Variants in EPHA6 observed in about 807,000 individuals in gnomAD.
EPHA6 encodes EPH receptor A6.
A neutral mutation model predicts 112.0 loss-of-function variants in EPHA6; 50 were observed. That is an observed-to-expected ratio of 0.45 (90% CI 0.36 to 0.56). The LOEUF is 0.56. Ranked by LOEUF, EPHA6 falls within the 20% of genes least tolerant of loss-of-function variation. EPHA6 has a pLI of 0.00. For synonymous variants in EPHA6, 529 were observed against 490.7 expected (o/e 1.08, Z -1.03); for missense variants, 1,280 against 1,417.4 (o/e 0.90, Z 1.56).
At chr3:97,522,650 T>A (rs1341279703) in intron 10 of EPHA6, among the ~76,000 whole-genome samples, 1 of 152,194 alleles carries the variant, frequency 6.6e-6, no homozygotes, top group Non-Finnish European at 1.5e-5. Context: ...TTAGATAAAA[T>A]TCTGCTGTGA....
chr3:97,521,735 T>C (rs1383530622), intron 10 of EPHA6, among the ~76,000 whole-genome samples: 1 of 151,974 alleles, frequency 6.6e-6, no homozygotes, highest in African/African-American at 2.4e-5. Context: ...GGTGGCGGAA[T>C]TAGGTTGGGT....
chr3:97,397,221 CT>C (rs1375285529), intron 5 of EPHA6, among the ~76,000 whole-genome samples: 1 of 151,434 alleles, frequency 6.6e-6, no homozygotes, highest in Admixed American at 6.6e-5. Flanking sequence ...TATTTTCTTG[CT>C]TTTTTTTCCC....
chr3:97,190,445 C>G (rs908247878), intron 3 of EPHA6, among the ~76,000 whole-genome samples: 1 of 151,992 alleles, frequency 6.6e-6, no homozygotes, highest in Non-Finnish European at 1.5e-5. Flanking sequence ...GCATGCCACT[C>G]TTACTGTCAT....
At chr3:97,602,181 G>T (rs1284339026) in intron 12 of EPHA6, among the ~76,000 whole-genome samples, 5 of 151,892 alleles carry the variant, frequency 3.3e-5, no homozygotes, top group African/African-American at 1.2e-4. Context: ...CCAAATTTGA[G>T]AATATTAATA....
At chr3:96,949,419 T>A (rs1304832990) in intron 2 of EPHA6, among the ~76,000 whole-genome samples, 1 of 152,196 alleles carries the variant, frequency 6.6e-6, no homozygotes, top group African/African-American at 2.4e-5. Context: ...ACCTAACCAC[T>A]CTATGCCTCA....
rs547894382 is a variant in EPHA6 at position 97,350,765 on chromosome 3, A to G, written c.1607-54385A>G. Among the ~76,000 whole-genome samples, 6 of 152,280 alleles carry G rather than the reference A, an allele frequency of 3.9e-5. No homozygotes were observed. In the East Asian group the frequency reaches 9.6e-4, roughly 24 times the overall value. On this transcript the variant is annotated intron_variant, in intron 5 of 17. Transcript: ENST00000389672. ...AGATTTGAAAATATGCCACATGTTCATTCCAAATCAGGCTCTCTACTGCTA... is the reference window on the plus strand; with the variant it reads ...AGATTTGAAAATATGCCACATGTTCGTTCCAAATCAGGCTCTCTACTGCTA...
intron 10 of EPHA6, among the ~76,000 whole-genome samples, chr3:97,497,256 G>A (rs1577579251): frequency 6.6e-6 from 1 of 152,084 alleles, no homozygotes; most frequent in Non-Finnish European, 1.5e-5. Flanking sequence ...TTTCCTTCAC[G>A]CATTGCTCTG....
chr3:96,940,283 T>G (rs1390026718), intron 2 of EPHA6, among the ~76,000 whole-genome samples: 2 of 152,224 alleles, frequency 1.3e-5, no homozygotes, highest in Non-Finnish European at 2.9e-5. Context: ...ATCTGGGTGC[T>G]CCTGTATTGG....
intron 5 of EPHA6, among the ~76,000 whole-genome samples, chr3:97,248,764 A>G (rs2079052157): frequency 6.6e-6 from 1 of 152,118 alleles, no homozygotes; most frequent in African/African-American, 2.4e-5. Context: ...TTAAACTGAC[A>G]TTGAAAATAT....
rs555823285 is a variant in EPHA6, at chr3:97,165,087, A to C, written c.1115-61177A>C. 3.9e-5 allele frequency among the ~76,000 whole-genome samples: 6 copies of C among 152,286 alleles called. No homozygotes were observed. In the South Asian group the frequency reaches 1.2e-3, roughly 32 times the overall value. On this transcript the variant is annotated intron_variant, in intron 3 of 17. Transcript: ENST00000389672. ...AACATTTTTGTTACTAGTCTTCTAC[A>C]TATAGAGGTAGAGAAAAACTGGTCA...
chr3:97,745,233 T>C, intron 16 of EPHA6: 1 of 281,020 alleles, frequency 3.6e-6, no homozygotes, highest in Non-Finnish European at 7.0e-6. Flanking sequence ...GAAATTTTAT[T>C]TTACAATATT....
At chr3:97,303,467 A>T (rs2081181223) in intron 5 of EPHA6, among the ~76,000 whole-genome samples, 1 of 152,032 alleles carries the variant, frequency 6.6e-6, no homozygotes, top group Non-Finnish European at 1.5e-5. Context: ...GAGAGAATTT[A>T]TGAATTAATT....
chr3:97,173,855 T>C (rs551735453), intron 3 of EPHA6, among the ~76,000 whole-genome samples: 1 of 151,840 alleles, frequency 6.6e-6, no homozygotes, highest in Non-Finnish European at 1.5e-5. Context: ...GGGTATCCAT[T>C]TACTCAAGCA....
At chr3:96,943,455 G>C (rs1422176567) in intron 2 of EPHA6, among the ~76,000 whole-genome samples, 1 of 151,706 alleles carries the variant, frequency 6.6e-6, no homozygotes, top group African/African-American at 2.4e-5. Flanking sequence ...TTAATATCCT[G>C]AATTTCAGAT....
At chr3:97,696,946 C>T (rs1374451442) in intron 14 of EPHA6, among the ~76,000 whole-genome samples, 1 of 152,158 alleles carries the variant, frequency 6.6e-6, no homozygotes, top group Non-Finnish European at 1.5e-5. Flanking sequence ...TATTAGCACT[C>T]AATACTAAAT....
At chr3:97,421,738 T>C (rs2088655704) in intron 6 of EPHA6, among the ~76,000 whole-genome samples, 2 of 152,174 alleles carry the variant, frequency 1.3e-5, no homozygotes, top group African/African-American at 4.8e-5. Context: ...AGTTACTGTA[T>C]AGTGCATAAC....
At chr3:96,858,556 T>C (rs769122828) in intron 1 of EPHA6, among the ~76,000 whole-genome samples, 8 of 152,114 alleles carry the variant, frequency 5.3e-5, no homozygotes, top group Non-Finnish European at 7.4e-5. Flanking sequence ...AAGTCAGTGT[T>C]ACCTGAAAGG....
chr3:97,342,661 T>G (rs2083365855), intron 5 of EPHA6, among the ~76,000 whole-genome samples: 1 of 152,128 alleles, frequency 6.6e-6, no homozygotes, highest in South Asian at 2.1e-4. Context: ...GAGTCCCTTA[T>G]GATAAGAGAT....
At chr3:97,456,835 A>G (rs1225265974) in intron 7 of EPHA6, among the ~76,000 whole-genome samples, 1 of 152,072 alleles carries the variant, frequency 6.6e-6, no homozygotes, top group Admixed American at 6.5e-5. Flanking sequence ...CTTTCAAGCT[A>G]TTTGACTTTA....
Sources: gnomAD v4.1 joint callset for allele counts (sites outside exome capture counted in the v4.1 genomes callset) on GRCh38, gnomAD v4.1.1 for gene constraint, MANE v1.5 for transcripts, NCBI Gene and HGNC (gene_info 2026-07-23, HGNC 2026-07-21) for gene names.